Variants in PDCD6 observed in about 807,000 individuals in gnomAD.
PDCD6 encodes programmed cell death 6, also known as programmed cell death protein 6.
In PDCD6, 12 loss-of-function variants were observed where a neutral mutation model predicts 28.3. That is an observed-to-expected ratio of 0.42 (90% confidence interval 0.27 to 0.69). PDCD6 has a LOEUF of 0.69. Ranked by LOEUF, PDCD6 falls within the 30% of genes least tolerant of loss-of-function variation. The pLI is 0.22. For missense variants in PDCD6, 226 were observed against 269.9 expected, an observed-to-expected ratio of 0.84 and a Z score of 1.14; for synonymous variants, 92 against 108.0, an observed-to-expected ratio of 0.85 and a Z score of 0.92.
chr5:310,892 G>A (rs1740870120), intron 4 of PDCD6: 1 of 187,416 alleles, frequency 5.3e-6, no homozygotes, highest in African/African-American at 2.4e-5. Flanking sequence ...TCTTATCTAG[G>A]CTAATAAACA....
intron 2 of PDCD6, among the ~76,000 whole-genome samples, chr5:302,515 A>C: frequency 1.0e-5 from 1 of 96,316 alleles, no homozygotes; most frequent in African/African-American, 4.1e-5. Flanking sequence ...GTGTGTGTGT[A>C]TGCCTCGGGT....
At chr5:306,283 T>G (rs1341254774) in intron 3 of PDCD6, 1 of 297,070 alleles carries the variant, frequency 3.4e-6, no homozygotes, top group African/African-American at 2.1e-5. Flanking sequence ...GAAGCTCTGC[T>G]CTTCTTTCTG....
At chr5:313,945 C>T (rs1459343122) in intron 5 of PDCD6, 6 of 165,216 alleles carry the variant, frequency 3.6e-5, no homozygotes, top group East Asian at 1.7e-4. Flanking sequence ...CCTGGACCCT[C>T]GGCTGTGAGA....
At chr5:300,350 A>G (rs1170039011) in intron 2 of PDCD6, among the ~76,000 whole-genome samples, 2 of 152,228 alleles carry the variant, frequency 1.3e-5, no homozygotes, top group Non-Finnish European at 2.9e-5. Context: ...TGCTGGAGGA[A>G]TCCGGCGCAC....
Position 288,811 on chromosome 5 carries a change from T to C in PDCD6, c.164-15366T>C, listed in dbSNP as rs191112767. On this transcript the variant is annotated intron_variant, in intron 2 of 5. Transcript: ENST00000264933. The stretch of plus-strand genomic sequence containing the variant: ...AAAACCAGAACTGTATGTAAAATAC[T>C]GCATCTAAATGTTTCTAAATAGTCT... 621 of 1,227,114 alleles carry C rather than the reference T, an allele frequency of 5.1e-4. 1 individual carries two copies. In the African/African-American group the frequency reaches 8.4e-3, roughly 17 times the overall value. The allele number at this position is 1,227,114 out of a possible 1,614,324, so 76.0% of individuals were successfully genotyped here.
chr5:281,795 A>G (rs538128322), intron 2 of PDCD6, among the ~76,000 whole-genome samples: 2,573 of 152,008 alleles, frequency 0.017, 70 homozygotes, highest in African/African-American at 0.059. Flanking sequence ...GTGCAGCTGG[A>G]GAACCAGACA....
chr5:301,465 C>T (rs774055624), intron 2 of PDCD6, among the ~76,000 whole-genome samples: 9 of 152,236 alleles, frequency 5.9e-5, no homozygotes, highest in African/African-American at 1.2e-4. Context: ...TCAGTAATTC[C>T]GACCTTTCTG....
At chr5:282,748 G>C (rs1738662942) in intron 2 of PDCD6, among the ~76,000 whole-genome samples, 1 of 152,156 alleles carries the variant, frequency 6.6e-6, no homozygotes. Context: ...TGGAGACCTG[G>C]AGAGAAGCTG....
intron 2 of PDCD6, among the ~76,000 whole-genome samples, chr5:301,171 C>A (rs1368082826): frequency 6.6e-6 from 1 of 152,196 alleles, no homozygotes; most frequent in African/African-American, 2.4e-5. Context: ...AATCCAGGGC[C>A]ACGGACGCAG....
intron 2 of PDCD6, among the ~76,000 whole-genome samples, chr5:292,078 T>G (rs943482538): frequency 6.6e-6 from 1 of 152,174 alleles, no homozygotes; most frequent in African/African-American, 2.4e-5. Flanking sequence ...ATTGGGTTGT[T>G]GGTGGTGGGA....
At chr5:306,515 G>A (rs1740496503) in intron 3 of PDCD6, 87 bp from the exon 4 acceptor site, 2 of 1,459,834 alleles carry the variant, frequency 1.4e-6, no homozygotes, top group African/African-American at 2.8e-5. Flanking sequence ...GCCCCGCCAG[G>A]CTCTGAGGGC....
intron 2 of PDCD6, among the ~76,000 whole-genome samples, chr5:284,980 A>T (rs1334986843): frequency 1.4e-5 from 2 of 143,986 alleles, no homozygotes; most frequent in Non-Finnish European, 3.0e-5. Flanking sequence ...ACAGCTCTCA[A>T]ACTGGAACAT....
intron 2 of PDCD6, among the ~76,000 whole-genome samples, chr5:299,619 A>C (rs111594818): frequency 2.7e-5 from 4 of 150,486 alleles, no homozygotes; most frequent in East Asian, 4.0e-4. Flanking sequence ...GTGCAATCTC[A>C]GCTCACTGCA....
intron 2 of PDCD6, among the ~76,000 whole-genome samples, chr5:277,862 C>T (rs886437866): frequency 2.1e-5 from 3 of 144,452 alleles, no homozygotes; most frequent in African/African-American, 7.9e-5. Flanking sequence ...TTGCAGTGAG[C>T]TGAGATAGCG....
At chr5:311,677 T>G (rs1022238838) in intron 5 of PDCD6, 10 of 385,764 alleles carry the variant, frequency 2.6e-5, no homozygotes, top group Non-Finnish European at 4.2e-5. Context: ...GGTGTTGTGG[T>G]TTTTTTTGTT....
intron 2 of PDCD6, among the ~76,000 whole-genome samples, chr5:274,636 A>C (rs1167838840): frequency 6.6e-6 from 1 of 152,158 alleles, no homozygotes; most frequent in African/African-American, 2.4e-5. Flanking sequence ...CCATTACCTG[A>C]TGATGGTGAT....
At chr5:279,966 G>A (rs1404447178) in intron 2 of PDCD6, among the ~76,000 whole-genome samples, 1 of 123,976 alleles carries the variant, frequency 8.1e-6, no homozygotes, top group African/African-American at 3.2e-5. Flanking sequence ...GACGGGGGTT[G>A]GCAACCTAAC....
chr5:275,525 G>A (rs149022816), intron 2 of PDCD6, among the ~76,000 whole-genome samples: 2 of 152,338 alleles, frequency 1.3e-5, no homozygotes, highest in African/African-American at 4.8e-5. Flanking sequence ...AGTCAGGTTG[G>A]TGGCTCACCA....
chr5:299,685 GACT>G (rs923912326), intron 2 of PDCD6, among the ~76,000 whole-genome samples: 11 of 151,940 alleles, frequency 7.2e-5, no homozygotes, highest in African/African-American at 2.7e-4. Context: ...GAGTAGCTGG[GACT>G]ACAGGCACAC....
Sources: gnomAD v4.1 joint callset for allele counts (sites outside exome capture counted in the v4.1 genomes callset) on GRCh38, gnomAD v4.1.1 for gene constraint, MANE v1.5 for transcripts, NCBI Gene and HGNC (gene_info 2026-07-23, HGNC 2026-07-21) for gene names.